The following VIPR1 variants were observed in gnomAD, a reference collection of about 807,000 sequenced individuals.
VIPR1 encodes vasoactive intestinal polypeptide receptor 1.
VIPR1 carries 59 observed loss-of-function variants against 58.8 expected under a neutral mutation model. The ratio of observed to expected loss-of-function variants is 1.00; its 90% CI spans 0.81 to 1.25. VIPR1 has a LOEUF of 1.25. VIPR1 is among the 50% of genes most tolerant of loss of function. The pLI, the probability that VIPR1 is intolerant of heterozygous loss-of-function variation, is 0.00. For synonymous variants in VIPR1, 251 were observed against 242.1 expected (o/e 1.04, Z -0.34); for missense variants, 626 against 602.7 (o/e 1.04, Z -0.40).
chr3:42,513,056 C>T, intron 1 of VIPR1: 1 of 831,212 alleles, frequency 1.2e-6, no homozygotes, highest in South Asian at 5.5e-5. Context: ...TCTTCACCTT[C>T]CAGAAGCAGG....
intron 3 of VIPR1, among the ~76,000 whole-genome samples, chr3:42,523,123 A>G (rs571351664): frequency 6.8e-6 from 1 of 146,786 alleles, no homozygotes; most frequent in Admixed American, 6.7e-5. Context: ...GCACAGGGTT[A>G]AAGTCCCTTG....
At chr3:42,520,979 T>C (rs1045569229) in intron 3 of VIPR1, among the ~76,000 whole-genome samples, 1 of 151,916 alleles carries the variant, frequency 6.6e-6, no homozygotes, top group Non-Finnish European at 1.5e-5. Context: ...AAGAGATGAG[T>C]TCCTCTGGCA....
chr3:42,530,788 A>C lies in VIPR1; in HGVS notation c.646A>C (p.Lys216Gln), dbSNP rs1303123804. ...TCTCCTCCCCCTGCAGGTGGGCTGT[A>C]AGGCAGCCATGGTCTTTTTCCAATA... ...DQCSEGSVGC[K>Q]AAMVFFQYCV... The change falls in exon 7 of 13, where the codon AAG (lysine) becomes CAG (glutamine). Residue 216 changes from lysine (K) to glutamine (Q), a missense_variant. Coordinates refer to ENST00000325123, the MANE Select transcript of VIPR1 (RefSeq NM_004624.4). 6.2e-7 allele frequency: 1 copy of C among 1,613,970 alleles called. No individual in the cohort carries two copies. Among genetic ancestry groups the C allele is most frequent in the Non-Finnish European group, 8.5e-7 (1 of 1,179,896 alleles).
At chr3:42,516,139 C>T (rs1037914281) in intron 2 of VIPR1, among the ~76,000 whole-genome samples, 2 of 152,220 alleles carry the variant, frequency 1.3e-5, no homozygotes, top group African/African-American at 2.4e-5. Flanking sequence ...CATCTTGCCT[C>T]ACCATCCCTT....
rs1199876465 is a variant in VIPR1 at position 42,536,381 on chromosome 3, G to A, written c.*100G>A. 2.3e-6 allele frequency: 3 copies of A among 1,324,222 alleles called. No individual in the cohort carries two copies. The highest frequency in any genetic ancestry group is 2.7e-5 in the East Asian group (1 of 37,148). The allele number at this position is 1,324,222 out of a possible 1,614,324, so 82.0% of individuals were successfully genotyped here. A position where few individuals can be genotyped will look rare whatever the true frequency, so the allele number is the denominator to read the frequency against. ...GGCCTGCCCGGGCGCGGCCAGCCCC[G>A]GCCCTGGGCTCGGAGGCTGCCCCCG... On this transcript the variant is annotated 3_prime_UTR_variant, in exon 13 of 13. Transcript: ENST00000325123.
intron 1 of VIPR1, among the ~76,000 whole-genome samples, chr3:42,507,637 T>G (rs983951882): frequency 1.3e-5 from 2 of 152,180 alleles, no homozygotes; most frequent in Non-Finnish European, 2.9e-5. Context: ...GCCAGGATCG[T>G]GAACAAGCAG....
intron 1 of VIPR1, among the ~76,000 whole-genome samples, chr3:42,504,926 A>T (rs140019779): frequency 0.012 from 1,738 of 145,758 alleles, 32 homozygotes; most frequent in African/African-American, 0.042. Context: ...AAAAAAAAAA[A>T]GGAAAGAAAA....
At chr3:42,529,238 A>G (rs1701397188) in intron 6 of VIPR1, 1 of 152,138 alleles carries the variant, frequency 6.6e-6, no homozygotes, top group Admixed American at 6.6e-5. Flanking sequence ...TGGGCGGATC[A>G]TGAGGTCAGG....
At chr3:42,531,940 C>A in intron 9 of VIPR1, 71 bp downstream of exon 9, 8 of 1,561,562 alleles carry the variant, frequency 5.1e-6, no homozygotes, top group Non-Finnish European at 7.1e-6. Context: ...CCCAAGGTCA[C>A]ATGGGAAATT....
intron 12 of VIPR1, among the ~76,000 whole-genome samples, 166 bp downstream of exon 12, chr3:42,535,550 C>A (rs41289580): frequency 0.012 from 1,833 of 152,270 alleles, 18 homozygotes; most frequent in Non-Finnish European, 0.017. Context: ...GTTAAAAATG[C>A]GCATCTCTGG....
intron 3 of VIPR1, among the ~76,000 whole-genome samples, chr3:42,520,313 G>A (rs1414786931): frequency 6.6e-6 from 1 of 152,210 alleles, no homozygotes; most frequent in Admixed American, 6.5e-5. Context: ...GAAGACTTGA[G>A]TTTTTTCCTA....
intron 2 of VIPR1, among the ~76,000 whole-genome samples, chr3:42,518,790 T>C (rs1165095142): frequency 2.6e-5 from 4 of 152,184 alleles, no homozygotes; most frequent in East Asian, 1.9e-4. Context: ...GAGTCTAGGC[T>C]CTGGTCATTA....
chr3:42,496,091 G>T (rs1699754138), intron 1 of VIPR1, among the ~76,000 whole-genome samples: 1 of 152,052 alleles, frequency 6.6e-6, no homozygotes, highest in Admixed American at 6.5e-5. Flanking sequence ...ACAAAAATTA[G>T]CCAGGCGTGG....
intron 2 of VIPR1, among the ~76,000 whole-genome samples, chr3:42,515,737 G>A (rs139345401): frequency 1.1e-3 from 165 of 152,340 alleles, no homozygotes; most frequent in African/African-American, 3.5e-3. Context: ...CTGGAGCTGC[G>A]TCTGTGCCTC....
chr3:42,505,354 C>T lies in VIPR1; in HGVS notation c.78+2541C>T, dbSNP rs9834498. ...CCCCCAGAAGGAGGAGTCCCAGGGACTGGGAGAGGCTCGACTTCTCCCCAA... is the reference window on the plus strand; with the variant it reads ...CCCCCAGAAGGAGGAGTCCCAGGGATTGGGAGAGGCTCGACTTCTCCCCAA... On this transcript the variant is annotated intron_variant, in intron 1 of 12. Coordinates refer to ENST00000325123, the MANE Select transcript of VIPR1 (RefSeq NM_004624.4). 9.0e-3 allele frequency among the ~76,000 whole-genome samples: 1,365 copies of T among 152,358 alleles called. 17 individuals carry two copies. The highest frequency in any genetic ancestry group is 0.03 in the African/African-American group (1,247 of 41,594).
chr3:42,525,112 C>T (rs1018970947), intron 3 of VIPR1, among the ~76,000 whole-genome samples: 2 of 152,028 alleles, frequency 1.3e-5, no homozygotes, highest in African/African-American at 4.8e-5. Context: ...CATCTAATTT[C>T]TATTCAACCC....
At chr3:42,519,152 T>C in intron 2 of VIPR1, 71 bp from the exon 3 acceptor site, 1 of 1,265,360 alleles carries the variant, frequency 7.9e-7, no homozygotes, top group Non-Finnish European at 1.1e-6. Flanking sequence ...TGGGTGCCTA[T>C]GGCCTCAGGC....
At chr3:42,534,407 C>G (rs1164325938) in intron 10 of VIPR1, 1 of 152,878 alleles carries the variant, frequency 6.5e-6, no homozygotes, top group Non-Finnish European at 1.5e-5. Context: ...TCATAGTACC[C>G]AAAACACTTC....
chr3:42,501,373 G>A (rs900959455), upstream of VIPR1, among the ~76,000 whole-genome samples: 9 of 152,256 alleles, frequency 5.9e-5, 1 homozygote, highest in East Asian at 1.9e-4. This position sits in a 1 kb window ranked among gnomAD's most constrained non-coding sequence, Gnocchi z 4.8. Flanking sequence ...CCTCCTTCAG[G>A]TAGCCGCACA....
Sources: gnomAD v4.1 joint callset for allele counts (sites outside exome capture counted in the v4.1 genomes callset) on GRCh38, gnomAD v4.1.1 for gene constraint, Gnocchi (gnomAD v3.1) non-coding constraint, MANE v1.5 for transcripts, NCBI Gene and HGNC (gene_info 2026-07-23, HGNC 2026-07-21) for gene names.